The following RANBP2 variants were observed in gnomAD, a reference collection of about 807,000 sequenced individuals.
The protein encoded by RANBP2 is RAN binding protein 2.
RANBP2 carries 57 observed loss-of-function variants against 303.6 expected under a neutral mutation model. That is an observed-to-expected ratio of 0.19 (90% CI 0.15 to 0.23). The LOEUF is 0.23. Among genes scored for constraint, RANBP2 ranks in the 10% least tolerant of loss-of-function variants. RANBP2 has a pLI of 1.00. For synonymous variants in RANBP2, 1,167 were observed against 1,301.5 expected, an observed-to-expected ratio of 0.90 and a Z score of 2.23; for missense variants, 3,138 against 3,780.8, an observed-to-expected ratio of 0.83 and a Z score of 4.46.
At chr2:109,733,890 G>A in the RANBP2 span, among the ~76,000 whole-genome samples, 3 of 151,434 alleles carry the variant, frequency 2.0e-5, no homozygotes, top group Admixed American at 6.6e-5. Flanking sequence ...AAAAAATGTC[G>A]GCCGGGCGCA....
chr2:109,470,138 T>TG, the RANBP2 span, among the ~76,000 whole-genome samples: 1 of 152,306 alleles, frequency 6.6e-6, no homozygotes, highest in Admixed American at 6.5e-5. Flanking sequence ...AAGGATTCCT[T>TG]GTCCCTTCTG....
the RANBP2 span, among the ~76,000 whole-genome samples, chr2:109,509,202 A>G: frequency 1.3e-5 from 2 of 152,168 alleles, no homozygotes; most frequent in Admixed American, 1.3e-4. Context: ...AGGCAAGAGG[A>G]CCCACCTCAT....
chr2:109,448,224 C>T, the RANBP2 span, among the ~76,000 whole-genome samples: 2 of 152,194 alleles, frequency 1.3e-5, no homozygotes, highest in East Asian at 3.8e-4. Context: ...GATGCTTTCA[C>T]AGGCTTTATG....
the RANBP2 span, among the ~76,000 whole-genome samples, chr2:108,974,255 G>A: frequency 2.1e-5 from 3 of 145,646 alleles, no homozygotes; most frequent in South Asian, 2.3e-4. Context: ...GCATGAACCC[G>A]GGAGGCGGAG....
chr2:109,428,792 G>T, the RANBP2 span, among the ~76,000 whole-genome samples: 1 of 152,230 alleles, frequency 6.6e-6, no homozygotes, highest in Non-Finnish European at 1.5e-5. Flanking sequence ...GATGCCCTGA[G>T]CACTCCGCAG....
chr2:109,498,664 G>A, the RANBP2 span, among the ~76,000 whole-genome samples: 117 of 152,330 alleles, frequency 7.7e-4, no homozygotes, highest in Middle Eastern at 3.4e-3. Context: ...GTAGTATCAA[G>A]TAGGTCCAGG....
chr2:109,314,860 A>T, the RANBP2 span, among the ~76,000 whole-genome samples: 1 of 152,226 alleles, frequency 6.6e-6, no homozygotes, highest in African/African-American at 2.4e-5. Context: ...ATATTAGAGG[A>T]GACCCTCTGA....
At chr2:109,357,794 C>A in the RANBP2 span, among the ~76,000 whole-genome samples, 1 of 152,148 alleles carries the variant, frequency 6.6e-6, no homozygotes, top group Non-Finnish European at 1.5e-5. Flanking sequence ...AAGTTCACAG[C>A]AAAATTGAGC....
the RANBP2 span, among the ~76,000 whole-genome samples, chr2:109,049,673 C>T: frequency 6.6e-6 from 1 of 152,202 alleles, no homozygotes; most frequent in African/African-American, 2.4e-5. Context: ...TTATTTCTAT[C>T]AATGTTGTTG....
chr2:109,251,950 G>A, the RANBP2 span, among the ~76,000 whole-genome samples: 1 of 152,076 alleles, frequency 6.6e-6, no homozygotes, highest in Non-Finnish European at 1.5e-5. Context: ...AATAAAACAA[G>A]ATAAAACTTT....
chr2:109,670,607 T>A, the RANBP2 span, among the ~76,000 whole-genome samples: 1 of 152,072 alleles, frequency 6.6e-6, no homozygotes, highest in African/African-American at 2.4e-5. Flanking sequence ...CTCCCCAGAC[T>A]CCAAACTCTA....
chr2:109,001,339 G>A, the RANBP2 span, among the ~76,000 whole-genome samples: 5 of 152,184 alleles, frequency 3.3e-5, no homozygotes, highest in East Asian at 1.9e-4. Context: ...GAAATGGCTC[G>A]TCCAGGACAC....
the RANBP2 span, among the ~76,000 whole-genome samples, chr2:109,221,555 C>T: frequency 6.9e-6 from 1 of 143,952 alleles, no homozygotes; most frequent in Non-Finnish European, 1.5e-5. Context: ...GCACTCCAGC[C>T]TGGGTGACAG....
At chr2:109,139,735 G>A in the RANBP2 span, among the ~76,000 whole-genome samples, 1 of 152,198 alleles carries the variant, frequency 6.6e-6, no homozygotes, top group South Asian at 2.1e-4. Context: ...GCCTCACAGT[G>A]CAGAAGGGCA....
At chr2:108,909,016 G>A in the RANBP2 span, among the ~76,000 whole-genome samples, 1 of 152,158 alleles carries the variant, frequency 6.6e-6, no homozygotes, top group African/African-American at 2.4e-5. Flanking sequence ...GGCACCCCAG[G>A]TCCTGTCTCT....
At chr2:108,981,155 G>T in the RANBP2 span, among the ~76,000 whole-genome samples, 4 of 152,134 alleles carry the variant, frequency 2.6e-5, no homozygotes, top group Non-Finnish European at 4.4e-5. Flanking sequence ...ACCTTCCCTC[G>T]GGGAACTGAA....
At chr2:109,548,872 T>C in the RANBP2 span, among the ~76,000 whole-genome samples, 9 of 151,102 alleles carry the variant, frequency 6.0e-5, no homozygotes, top group African/African-American at 2.2e-4. Flanking sequence ...AGCTAAACTC[T>C]GGTCTAATAA....
chr2:109,667,405 T>G, the RANBP2 span: 1 of 411,196 alleles, frequency 2.4e-6, no homozygotes, highest in African/African-American at 2.1e-5. Context: ...AGACCAGAGT[T>G]ATTCACGGCA....
At chr2:109,604,395 G>GGGGAGGGGAGGGGAGGGGCC in the RANBP2 span, among the ~76,000 whole-genome samples, 1 of 135,452 alleles carries the variant, frequency 7.4e-6, no homozygotes, top group East Asian at 2.4e-4. Context: ...GGGGAGGGGC[G>GGGGAGGGGAGGGGAGGGGCC]GGGCGGGGAG....
Sources: allele counts gnomAD v4.1 joint callset (sites outside exome capture counted in the v4.1 genomes callset), GRCh38; gene constraint gnomAD v4.1.1; transcripts MANE v1.5; gene names NCBI Gene and HGNC (gene_info 2026-07-23, HGNC 2026-07-21).